CAPN5: variants seen among roughly 807,000 people sequenced by gnomAD.
The protein encoded by CAPN5 is calpain-5.
In CAPN5, 54 loss-of-function variants were observed where a neutral mutation model predicts 73.0. That is an observed-to-expected ratio of 0.74 (90% CI 0.59 to 0.93). CAPN5 has a LOEUF of 0.93. Among genes scored for constraint, CAPN5 ranks in the 40% least tolerant of loss-of-function variants. The pLI, the probability that CAPN5 is intolerant of heterozygous loss-of-function variation, is 0.00. For synonymous variants in CAPN5, 335 were observed against 356.9 expected, an observed-to-expected ratio of 0.94 and a Z score of 0.69; for missense variants, 785 against 882.9, an observed-to-expected ratio of 0.89 and a Z score of 1.41.
chr11:77,090,118 A>G (rs1032713719), intron 2 of CAPN5, among the ~76,000 whole-genome samples: 1 of 152,082 alleles, frequency 6.6e-6, no homozygotes, highest in African/African-American at 2.4e-5. Context: ...AGATATTTCT[A>G]TTATTGTTCC....
intron 3 of CAPN5, among the ~76,000 whole-genome samples, chr11:77,100,253 T>C (rs1950270879): frequency 2.0e-5 from 3 of 152,206 alleles, no homozygotes; most frequent in South Asian, 2.1e-4. Flanking sequence ...AGGTGTCCGA[T>C]GGCTGAGCAG....
chr11:77,102,888 C>T (rs1950301295), intron 3 of CAPN5: 1 of 1,611,986 alleles, frequency 6.2e-7, no homozygotes, highest in Non-Finnish European at 8.5e-7. Context: ...GCCGCTGGTC[C>T]TGGACCAGGG....
chr11:77,116,739 G>C (rs1474828166), intron 7 of CAPN5, among the ~76,000 whole-genome samples: 1 of 152,248 alleles, frequency 6.6e-6, no homozygotes, highest in Non-Finnish European at 1.5e-5. Flanking sequence ...GCCTCCAGGG[G>C]CCCTCTGGCA....
intron 4 of CAPN5, 162 bp downstream of exon 4, chr11:77,112,959 C>A: frequency 2.9e-6 from 2 of 681,304 alleles, no homozygotes; most frequent in Non-Finnish European, 5.0e-6. Flanking sequence ...GCATAGTCAG[C>A]TGAGCCTGTG....
At position 77,124,943 on chromosome 11, in the gene CAPN5, C is replaced by A; in HGVS notation, c.*1073C>A. ...GAGGCCGCAGTGCTCTTCTTCCTGC[C>A]CAGACCAAAATGTTCCTTTTAGTCC... On this transcript the variant is annotated 3_prime_UTR_variant, in exon 13 of 13. Transcript: ENST00000648180. 6.5e-6 allele frequency: 1 copy of A among 154,742 alleles called. No individual in the cohort carries two copies. 9.6% of individuals were successfully genotyped at this position (154,742 alleles called of 1,614,324 possible).
At chr11:77,089,876 A>AAAAAACAAAC (rs1434371118) in intron 2 of CAPN5, among the ~76,000 whole-genome samples, 1 of 152,160 alleles carries the variant, frequency 6.6e-6, no homozygotes, top group African/African-American at 2.4e-5. Flanking sequence ...TCCCATCTAA[A>AAAAAACAAAC]AAAAACAAAC....
chr11:77,073,950 C>T (rs782249033), intron 1 of CAPN5, among the ~76,000 whole-genome samples: 3 of 152,162 alleles, frequency 2.0e-5, no homozygotes, highest in Non-Finnish European at 4.4e-5. Flanking sequence ...CACATTCTCC[C>T]TCCCCACCCT....
rs1437671753 is a variant in CAPN5 at position 77,116,388 on chromosome 11, C to T, written c.971+85C>T. The stretch of plus-strand genomic sequence containing the variant: ...GGAGCACCAGGTGGGGAGTCAGGAG[C>T]CAGGCCTCTCCTGCATGCCCCATCA... On this transcript the variant is annotated intron_variant, in intron 7 of 12. Transcript: ENST00000648180. The T allele has an allele frequency of 3.1e-6, 3 of 974,640 alleles. No homozygotes were observed. In the African/African-American group the frequency reaches 4.8e-5, roughly 16 times the overall value. 60.4% of individuals were successfully genotyped at this position (974,640 alleles called of 1,614,324 possible).
intron 3 of CAPN5, chr11:77,103,118 C>T: frequency 6.2e-7 from 1 of 1,613,918 alleles, no homozygotes; most frequent in Non-Finnish European, 8.5e-7. Flanking sequence ...ACCTCACCAA[C>T]CTCATGACAC....
At chr11:77,099,853 T>C (rs1950266032) in intron 3 of CAPN5, among the ~76,000 whole-genome samples, 1 of 152,028 alleles carries the variant, frequency 6.6e-6, no homozygotes, top group East Asian at 1.9e-4. Flanking sequence ...GGTTTTTTTT[T>C]GAGTTGGAGT....
In CAPN5 at chr11:77,120,761, G is replaced by C. The variant is rs144340565; in HGVS notation, c.1339G>C (p.Ala447Pro). The change falls in exon 10 of 13, where the codon GCC (alanine) becomes CCC (proline). Residue 447 changes from alanine (A) to proline (P), a missense_variant. By Grantham distance (27) the Ala-to-Pro change is conservative (BLOSUM62 -1). Coordinates refer to ENST00000648180, the MANE Select transcript of CAPN5 (RefSeq NM_004055.5). The stretch of plus-strand genomic sequence containing the variant: ...CATGCACAGCCTGCAGCACAAGGCC[G>C]CCAGCTCCATCTACATCAACTCACG... ...YRMHSLQHKA[A>P]SSIYINSRSV... 6.2e-7 allele frequency: 1 copy of C among 1,613,698 alleles called. No individual in the cohort carries two copies. Among genetic ancestry groups the C allele is most frequent in the Non-Finnish European group, 8.5e-7 (1 of 1,179,898 alleles).
At chr11:77,121,256 C>T (rs1303470046) in intron 10 of CAPN5, among the ~76,000 whole-genome samples, 14 of 152,226 alleles carry the variant, frequency 9.2e-5, no homozygotes, top group Admixed American at 8.5e-4. Flanking sequence ...ATGCAGCCAG[C>T]GGTGGAGATG....
chr11:77,085,896 C>T lies in CAPN5; in HGVS notation c.165+845C>T, dbSNP rs1241637715. Among the ~76,000 whole-genome samples, 3 of 152,178 alleles carry T rather than the reference C, an allele frequency of 2.0e-5. No homozygotes were observed. The South Asian group carries it at 6.2e-4, about 32-fold the overall frequency. The stretch of plus-strand genomic sequence containing the variant: ...AGTGACACTGAGGGTCGTCCCCTCA[C>T]AATGCGGGAGACCATGCTGCTGTCT... On this transcript the variant is annotated intron_variant, in intron 2 of 12. Transcript: ENST00000648180.
chr11:77,081,386 A>C (rs1950026835), intron 1 of CAPN5, among the ~76,000 whole-genome samples: 1 of 152,022 alleles, frequency 6.6e-6, no homozygotes, highest in Non-Finnish European at 1.5e-5. Context: ...CACATACTTC[A>C]TTTGGCCTTA....
intron 8 of CAPN5, among the ~76,000 whole-genome samples, chr11:77,118,753 G>A (rs138613613): frequency 6.6e-6 from 1 of 152,238 alleles, no homozygotes; most frequent in African/African-American, 2.4e-5. Context: ...CTGACCCGTG[G>A]CGCTGCTTAG....
Position 77,118,338 on chromosome 11 carries a change from T to C in CAPN5, c.1153T>C (p.Phe385Leu), listed in dbSNP as rs1555042135. The change falls in exon 8 of 13, where the codon TTC becomes CTC. Residue 385 changes from phenylalanine to leucine, a missense_variant. Phe to Leu is a conservative substitution (Grantham distance 22). Coordinates refer to ENST00000648180, the MANE Select transcript of CAPN5 (RefSeq NM_004055.5). ...CTGCATCAACCACAAGGACACCTTC[T>C]TCCAGAACCCACAGGTGGGCGTTCT... ...GGCINHKDTF[F>L]QNPQYIFEVK... 3 of 1,590,796 alleles carry C rather than the reference T, an allele frequency of 1.9e-6. No homozygotes were observed. In the East Asian group the frequency reaches 6.8e-5, roughly 36 times the overall value.
In CAPN5 at chr11:77,093,763, T is replaced by C. The variant is rs148784108; in HGVS notation, c.247T>C (p.Phe83Leu). 1.7e-5 allele frequency: 28 copies of C among 1,612,222 alleles called. No individual in the cohort carries two copies. The African/African-American group carries it at 3.6e-4, about 21-fold the overall frequency. Residue 83 changes from phenylalanine to leucine, a missense_variant, in exon 3 of 13, where the codon TTT becomes CTT. By Grantham distance (22) the Phe-to-Leu change is conservative. Coordinates refer to ENST00000648180, the MANE Select transcript of CAPN5 (RefSeq NM_004055.5). ...CCAGGGCCAGGTGGGCAACTGCTGG[T>C]TTGTGGCAGCCTGCTCGTCACTTGC... ...LHQGQVGNCW[F>L]VAACSSLASR...
Position 77,118,268 on chromosome 11 carries a change from C to T in CAPN5, c.1083C>T (p.Gly361=), listed in dbSNP as rs782229214. The change falls in exon 8 of 13, where the codon GGC becomes GGT. Residue 361 remains glycine, a synonymous_variant. Transcript: ENST00000648180. The part of the protein sequence containing the change: ...HKTWEEARLH[G]AWTLHEDPRQ... The stretch of plus-strand genomic sequence containing the variant: ...CGTGGGAGGAGGCCCGGCTGCATGG[C>T]GCCTGGACGCTGCATGAGGACCCGC... The T allele has an allele frequency of 1.1e-5, 17 of 1,613,890 alleles. No homozygotes were observed. In the Admixed American group the frequency reaches 1.2e-4, roughly 11 times the overall value.
intron 2 of CAPN5, among the ~76,000 whole-genome samples, chr11:77,089,239 G>A (rs1555036092): frequency 6.6e-6 from 1 of 152,208 alleles, no homozygotes; most frequent in Non-Finnish European, 1.5e-5. Context: ...CGGAGGCAGT[G>A]TCTGCCTCAG....
Sources: allele counts gnomAD v4.1 joint callset (sites outside exome capture counted in the v4.1 genomes callset), GRCh38; gene constraint gnomAD v4.1.1; transcripts MANE v1.5; gene names NCBI Gene and HGNC (gene_info 2026-07-23, HGNC 2026-07-21).